Variants in MRPL16 observed in about 807,000 individuals in gnomAD.
The protein encoded by MRPL16 is mitochondrial ribosomal protein L16.
Under a neutral mutation model 22.7 loss-of-function variants are expected in MRPL16, and 17 were observed. The ratio of observed to expected loss-of-function variants is 0.75; its 90% CI spans 0.51 to 1.12. The LOEUF is 1.12. Ranked by LOEUF, MRPL16 falls within the 50% of genes most tolerant of loss-of-function variation. The pLI, the probability that MRPL16 is intolerant of heterozygous loss-of-function variation, is 0.00. For missense variants in MRPL16, 316 were observed against 328.7 expected (o/e 0.96, Z 0.30); for synonymous variants, 103 against 112.8 (o/e 0.91, Z 0.55).
At chr11:59,810,368 C>G (rs1441094024) in intron 1 of MRPL16, 19 of 1,386,360 alleles carry the variant, frequency 1.4e-5, no homozygotes, top group Non-Finnish European at 1.6e-5. Flanking sequence ...TAAATGGACT[C>G]AAAGGCTCAG....
rs529449233 is a variant in MRPL16 at position 59,810,294 on chromosome 11, C to A, written c.55+310G>T. 20 of 1,272,264 alleles carry A rather than the reference C, an allele frequency of 1.6e-5. No individual in the cohort carries two copies. The Admixed American group carries it at 4.0e-4, about 25-fold the overall frequency. 78.8% of individuals were successfully genotyped at this position (1,272,264 alleles called of 1,614,324 possible). The stretch of plus-strand genomic sequence containing the variant: ...AAAGTGCTGCTATTAAAGGCGTGAG[C>A]CACCGCGCCCGCCCAAAAGTACTTC... On this transcript the variant is annotated intron_variant, in intron 1 of 3. Transcript: ENST00000300151.
At chr11:59,810,465 C>T in intron 1 of MRPL16, 139 bp downstream of exon 1, 1 of 1,493,146 alleles carries the variant, frequency 6.7e-7, no homozygotes, top group Admixed American at 2.2e-5. Context: ...CGGTGGAGGT[C>T]GGCGGTGCGA....
intron 2 of MRPL16, among the ~76,000 whole-genome samples, chr11:59,808,406 G>T (rs1191779785): frequency 6.6e-6 from 1 of 152,038 alleles, no homozygotes; most frequent in African/African-American, 2.4e-5. Flanking sequence ...ATATCAAAGG[G>T]CCAAATTAAA....
chr11:59,807,615 G>T, intron 3 of MRPL16, 86 bp downstream of exon 3: 2 of 1,430,888 alleles, frequency 1.4e-6, no homozygotes, highest in Non-Finnish European at 1.9e-6. Flanking sequence ...AACTGTGGAG[G>T]AAGAGACTAA....
chr11:59,809,327 A>G (rs1019166935), intron 2 of MRPL16, among the ~76,000 whole-genome samples: 3 of 152,074 alleles, frequency 2.0e-5, no homozygotes, highest in African/African-American at 7.2e-5. Context: ...CTTTTGAGAC[A>G]GAGTCTCACT....
chr11:59,808,057 T>C (rs1457247502), intron 2 of MRPL16, among the ~76,000 whole-genome samples: 1 of 152,196 alleles, frequency 6.6e-6, no homozygotes, highest in Non-Finnish European at 1.5e-5. Flanking sequence ...GTGTTGGGAT[T>C]ACAAGTGCGA....
intron 2 of MRPL16, chr11:59,809,489 C>CCCGCCTCCGCCT (rs370156098): frequency 4.6e-6 from 1 of 218,828 alleles, no homozygotes; most frequent in African/African-American, 2.4e-5. Context: ...AAGTGATCCA[C>CCCGCCTCCGCCT]CCGCCTCCGC....
chr11:59,809,982 G>A, intron 1 of MRPL16, 62 bp from the exon 2 acceptor site: 1 of 1,329,126 alleles, frequency 7.5e-7, no homozygotes, highest in Non-Finnish European at 1.1e-6. Context: ...TACAACCTGG[G>A]CCAAAGGTAC....
chr11:59,810,260 C>G, intron 1 of MRPL16: 2 of 1,202,954 alleles, frequency 1.7e-6, no homozygotes, highest in Non-Finnish European at 2.1e-6. Flanking sequence ...TCGCCCGCCT[C>G]GGCCTCCCAA....
intron 2 of MRPL16, chr11:59,808,781 C>A (rs1866140000): frequency 6.6e-6 from 1 of 152,184 alleles, no homozygotes; most frequent in African/African-American, 2.4e-5. Context: ...TATGCAGGGA[C>A]TTTTCATGCT....
At chr11:59,810,297 C>T in intron 1 of MRPL16, 1 of 1,277,506 alleles carries the variant, frequency 7.8e-7, no homozygotes, top group Non-Finnish European at 9.9e-7. Flanking sequence ...GCGTGAGCCA[C>T]CGCGCCCGCC....
Position 59,806,307 on chromosome 11 carries a change from C to A in MRPL16, c.*40G>T, listed in dbSNP as rs768897816. On this transcript the variant is annotated 3_prime_UTR_variant, in exon 4 of 4. Coordinates refer to ENST00000300151, the MANE Select transcript of MRPL16 (RefSeq NM_017840.4). ...CTGAGGGGAATAGAAATGCAGAATCCTTCTTTCAGTAGCCTATATACAGTT... is the reference window on the plus strand; with the variant it reads ...CTGAGGGGAATAGAAATGCAGAATCATTCTTTCAGTAGCCTATATACAGTT... 2.5e-6 allele frequency: 4 copies of A among 1,585,394 alleles called. No homozygotes were observed. Among genetic ancestry groups the A allele is most frequent in the Non-Finnish European group, 3.4e-6 (4 of 1,161,630 alleles).
intron 1 of MRPL16, 35 bp downstream of exon 1, chr11:59,810,569 G>T (rs771777013): frequency 1.2e-6 from 2 of 1,613,492 alleles, no homozygotes; most frequent in African/African-American, 2.7e-5. Flanking sequence ...GAGGAAGAGG[G>T]GTAAAGTCTT....
At chr11:59,810,344 G>C (rs1444162333) in intron 1 of MRPL16, 5 of 1,354,084 alleles carry the variant, frequency 3.7e-6, no homozygotes, top group Non-Finnish European at 4.7e-6. Flanking sequence ...TGAGGTGTGG[G>C]ATGCGGATTC....
intron 2 of MRPL16, 43 bp downstream of exon 2, chr11:59,809,812 A>C (rs1181387601): frequency 6.4e-7 from 1 of 1,557,324 alleles, no homozygotes; most frequent in Non-Finnish European, 8.8e-7. Flanking sequence ...CCTGGTTTCC[A>C]TCAGAGAAAA....
chr11:59,809,915 A>C lies in MRPL16; in HGVS notation c.61T>G (p.Trp21Gly), dbSNP rs770698623. ...PLLRVPLSDS[W>G]ALLPASAGVK... is the part of the protein sequence containing the mutation. ...CCAGCACTGGCGGGGAGGAGTGCCCAGGAATCTACAAAGACAAATCAAGTT... is the reference window on the plus strand; with the variant it reads ...CCAGCACTGGCGGGGAGGAGTGCCCCGGAATCTACAAAGACAAATCAAGTT... The change falls in exon 2 of 4, where the codon TGG (tryptophan) becomes GGG (glycine). Residue 21 changes from tryptophan (W) to glycine (G), a missense_variant. Coordinates refer to ENST00000300151, the MANE Select transcript of MRPL16 (RefSeq NM_017840.4). 1.2e-6 allele frequency: 2 copies of C among 1,613,086 alleles called. No individual in the cohort carries two copies. The highest frequency in any genetic ancestry group is 1.7e-5 in the Admixed American group (1 of 59,880).
At position 59,809,869 on chromosome 11, in the gene MRPL16, A is replaced by C. The variant is rs758589324; in HGVS notation, c.107T>G (p.Val36Gly). 1.2e-6 allele frequency: 2 copies of C among 1,613,282 alleles called. No homozygotes were observed. Among genetic ancestry groups the C allele is most frequent in the South Asian group, 2.2e-5 (2 of 90,972 alleles). ...CAAGCTCTCACCTTCAAAACTTGGTACTGGGAGCAGTGTCTTTACGCCAGC... is the reference window on the plus strand; with the variant it reads ...CAAGCTCTCACCTTCAAAACTTGGTCCTGGGAGCAGTGTCTTTACGCCAGC... ...ASAGVKTLLPVPSFEDVSIPE... is the reference protein window; with the variant it reads ...ASAGVKTLLPGPSFEDVSIPE... The change falls in exon 2 of 4, where the codon GTA becomes GGA. Residue 36 changes from valine to glycine, a missense_variant. Val to Gly is a moderately radical substitution (Grantham distance 109). Coordinates refer to ENST00000300151, the MANE Select transcript of MRPL16 (RefSeq NM_017840.4).
At chr11:59,810,162 C>G (rs985342044) in intron 1 of MRPL16, 1 of 689,816 alleles carries the variant, frequency 1.4e-6, no homozygotes. Flanking sequence ...CCCACCACCA[C>G]GCCCAGCTAA....
chr11:59,809,933 A>G lies in MRPL16; in HGVS notation c.56-13T>C. ...AGTGCCCAGGAATCTACAAAGACAA[A>G]TCAAGTTAAACGACGAAGGTAACAG... On this transcript the variant is annotated splice_polypyrimidine_tract_variant and intron_variant, in intron 1 of 3. Coordinates refer to ENST00000300151, the MANE Select transcript of MRPL16 (RefSeq NM_017840.4). 6.2e-7 allele frequency: 1 copy of G among 1,609,792 alleles called. No individual in the cohort carries two copies. The highest frequency in any genetic ancestry group is 1.1e-5 in the South Asian group (1 of 90,552).
Sources: gnomAD v4.1 joint callset for allele counts (sites outside exome capture counted in the v4.1 genomes callset) on GRCh38, gnomAD v4.1.1 for gene constraint, MANE v1.5 for transcripts, NCBI Gene and HGNC (gene_info 2026-07-23, HGNC 2026-07-21) for gene names.